The following ANKS1B variants were observed in gnomAD, a reference collection of about 807,000 sequenced individuals.
ANKS1B encodes the protein ankyrin repeat and sterile alpha motif domain-containing protein 1B.
In ANKS1B, 36 loss-of-function variants were observed where a neutral mutation model predicts 148.3. The ratio of observed to expected loss-of-function variants is 0.24; its 90% confidence interval spans 0.19 to 0.32. The LOEUF (loss-of-function observed/expected upper bound fraction) is 0.32, where lower values mean the gene tolerates loss of function less well. Ranked by LOEUF, ANKS1B falls within the 10% of genes least tolerant of loss-of-function variation. ANKS1B has a pLI of 1.00. For missense variants in ANKS1B, 1,157 were observed against 1,542.6 expected (o/e 0.75, Z 4.19); for synonymous variants, 542 against 560.8 (o/e 0.97, Z 0.47).
chr12:98,952,766 C>T (rs994859127), intron 17 of ANKS1B, among the ~76,000 whole-genome samples: 2 of 152,234 alleles, frequency 1.3e-5, no homozygotes, highest in African/African-American at 4.8e-5. Context: ...AACTCATCAT[C>T]TGCTCTCTGA....
At chr12:99,960,281 A>T (rs2095391679) in intron 1 of ANKS1B, among the ~76,000 whole-genome samples, 1 of 152,222 alleles carries the variant, frequency 6.6e-6, no homozygotes, top group African/African-American at 2.4e-5. Flanking sequence ...CTGGGCTGTG[A>T]CCATCTATGC....
chr12:98,831,979 T>C (rs766956228), intron 18 of ANKS1B, 50 bp downstream of exon 18: 2 of 1,503,076 alleles, frequency 1.3e-6, no homozygotes, highest in Non-Finnish European at 9.1e-7. Context: ...CTCAAACAAA[T>C]AGTTCTTAAG....
chr12:98,772,041 T>C lies in ANKS1B; in HGVS notation c.3579+1001A>G, dbSNP rs141154543. 3.0e-4 allele frequency among the ~76,000 whole-genome samples: 46 copies of C among 152,212 alleles called. No individual in the cohort carries two copies. The East Asian group carries it at 8.5e-3, about 28-fold the overall frequency. ...CAAGTCTGAAAGTGAAATTAGTAAA[T>C]GAGTAATGGCAGTTGAGATACTAGG... On this transcript the variant is annotated intron_variant, in intron 25 of 26. Transcript: ENST00000683438.
At chr12:99,237,196 C>A (rs1278974190) in intron 14 of ANKS1B, among the ~76,000 whole-genome samples, 1 of 152,154 alleles carries the variant, frequency 6.6e-6, no homozygotes, top group Non-Finnish European at 1.5e-5. Context: ...GAATCACCAG[C>A]CTTTTTTGTT....
chr12:99,111,203 C>T lies in ANKS1B; in HGVS notation c.2527-26180G>A, dbSNP rs576005534. On this transcript the variant is annotated intron_variant, in intron 15 of 26. Coordinates refer to ENST00000683438, the MANE Select transcript of ANKS1B (RefSeq NM_001352186.2). ...TGGCAGAATGCTCCTTCTGCCTCCACGAAATTTACTTTCAAGTTGAACAAT... is the reference window on the plus strand; with the variant it reads ...TGGCAGAATGCTCCTTCTGCCTCCATGAAATTTACTTTCAAGTTGAACAAT... Among the ~76,000 whole-genome samples the T allele has an allele frequency of 6.4e-4, 97 of 152,226 alleles. 1 individual carries two copies. Among genetic ancestry groups the T allele is most frequent in the Admixed American group, 1.6e-3 (25 of 15,292 alleles).
At position 99,720,502 on chromosome 12, in the gene ANKS1B, T is replaced by G. The variant is rs562275289; in HGVS notation, c.1128+52420A>C. On this transcript the variant is annotated intron_variant, in intron 8 of 26. Transcript: ENST00000683438. The stretch of plus-strand genomic sequence containing the variant: ...CAGGCTCTTGGTATTCAGTTAAACC[T>G]TTATTTCCCTTACAGTCCTCAGTCT... Among the ~76,000 whole-genome samples the G allele has an allele frequency of 6.6e-5, 10 of 152,324 alleles. No individual in the cohort carries two copies. The South Asian group carries it at 2.1e-3, about 32-fold the overall frequency.
intron 12 of ANKS1B, among the ~76,000 whole-genome samples, chr12:99,279,987 T>G (rs891903217): frequency 1.3e-5 from 2 of 151,934 alleles, no homozygotes; most frequent in Admixed American, 1.3e-4. Context: ...CTAGGTGACA[T>G]GAGTGAGACC....
chr12:99,257,118 C>T (rs1602134180), intron 12 of ANKS1B, among the ~76,000 whole-genome samples: 1 of 152,026 alleles, frequency 6.6e-6, no homozygotes. Context: ...GTGGCGGGCG[C>T]CTGTAGTCCC....
chr12:98,787,309 C>T (rs2098804562), intron 22 of ANKS1B, among the ~76,000 whole-genome samples: 1 of 152,164 alleles, frequency 6.6e-6, no homozygotes, highest in Non-Finnish European at 1.5e-5. Flanking sequence ...CGCGGTCTCC[C>T]AGGCTGACAG....
Position 99,806,619 on chromosome 12 carries a change from T to C in ANKS1B, c.454A>G (p.Thr152Ala). Reference protein sequence around the residue: ...EVVAVLLEELTDPTIRNSKLE... With the variant: ...EVVAVLLEELADPTIRNSKLE... ...TTGCTATTTCTAATTGTCGGGTCAG[T>C]GAGCTCTTCTAGGAGAACAGCAACT... The change falls in exon 4 of 27, where the codon ACT (threonine) becomes GCT (alanine). Residue 152 changes from threonine to alanine, a missense_variant. Thr to Ala is a moderately conservative substitution (Grantham distance 58, BLOSUM62 0). Coordinates refer to ENST00000683438, the MANE Select transcript of ANKS1B (RefSeq NM_001352186.2). 6.2e-7 allele frequency: 1 copy of C among 1,613,998 alleles called. No individual in the cohort carries two copies. Among genetic ancestry groups the C allele is most frequent in the South Asian group, 1.1e-5 (1 of 91,092 alleles).
At chr12:99,268,870 C>A (rs1408740391) in intron 12 of ANKS1B, among the ~76,000 whole-genome samples, 1 of 152,164 alleles carries the variant, frequency 6.6e-6, no homozygotes, top group Admixed American at 6.5e-5. Context: ...CTTCTGTTAT[C>A]TTTTTATTAG....
intron 9 of ANKS1B, among the ~76,000 whole-genome samples, chr12:99,629,908 C>A (rs1177748221): frequency 1.3e-5 from 2 of 152,098 alleles, no homozygotes; most frequent in Non-Finnish European, 2.9e-5. Flanking sequence ...ATATGACTGA[C>A]AAAAGGTACA....
At chr12:98,764,556 T>C (rs1249572391) in intron 25 of ANKS1B, among the ~76,000 whole-genome samples, 3 of 152,212 alleles carry the variant, frequency 2.0e-5, no homozygotes, top group African/African-American at 4.8e-5. Flanking sequence ...GCATTGGACA[T>C]GGGTCACTCA....
chr12:99,714,992 G>A (rs2057118653), intron 8 of ANKS1B, among the ~76,000 whole-genome samples: 1 of 151,810 alleles, frequency 6.6e-6, no homozygotes, highest in Non-Finnish European at 1.5e-5. Flanking sequence ...AGCTGGGCAT[G>A]GTGGCAGGTT....
intron 14 of ANKS1B, among the ~76,000 whole-genome samples, chr12:99,232,702 A>G (rs2087080450): frequency 6.6e-6 from 1 of 152,230 alleles, no homozygotes; most frequent in South Asian, 2.1e-4. Context: ...TTAAAGAAAT[A>G]AAACTTCAGA....
chr12:99,142,737 A>G (rs2071397128), intron 15 of ANKS1B, among the ~76,000 whole-genome samples: 1 of 152,140 alleles, frequency 6.6e-6, no homozygotes, highest in South Asian at 2.1e-4. Flanking sequence ...TTTTAACTAT[A>G]TAACACACCC....
chr12:99,022,823 A>G (rs1415393745), intron 17 of ANKS1B, among the ~76,000 whole-genome samples: 2 of 152,132 alleles, frequency 1.3e-5, no homozygotes, highest in African/African-American at 2.4e-5. Context: ...AGTCACTGGG[A>G]GTACAGGCAT....
At chr12:99,310,496 T>C (rs1164305466) in intron 12 of ANKS1B, among the ~76,000 whole-genome samples, 1 of 152,182 alleles carries the variant, frequency 6.6e-6, no homozygotes, top group Non-Finnish European at 1.5e-5. Context: ...CTCTTTCTAT[T>C]AGCGAGGATT....
At chr12:99,028,498 A>G (rs1026316620) in intron 17 of ANKS1B, among the ~76,000 whole-genome samples, 1 of 152,224 alleles carries the variant, frequency 6.6e-6, no homozygotes, top group African/African-American at 2.4e-5. Context: ...GTCCTGAGAC[A>G]TCTTCTGGGC....
Sources: gnomAD v4.1 joint callset for allele counts (sites outside exome capture counted in the v4.1 genomes callset) on GRCh38, gnomAD v4.1.1 for gene constraint, MANE v1.5 for transcripts, NCBI Gene and HGNC (gene_info 2026-07-23, HGNC 2026-07-21) for gene names.